The following NTN4 variants were observed in gnomAD, a reference collection of about 807,000 sequenced individuals.
NTN4 encodes netrin-4.
Under a neutral mutation model 73.6 loss-of-function variants are expected in NTN4, and 32 were observed. The ratio of observed to expected loss-of-function variants is 0.44; its 90% confidence interval spans 0.33 to 0.58. NTN4 has a LOEUF of 0.58. Ranked by LOEUF, NTN4 falls within the 20% of genes least tolerant of loss-of-function variation. The probability of loss-of-function intolerance (pLI) is 0.04; values close to 1 mark genes in which losing one functional copy is unlikely to be tolerated. For synonymous variants in NTN4, 258 were observed against 287.5 expected, an observed-to-expected ratio of 0.90 and a Z score of 1.04; for missense variants, 654 against 798.3, an observed-to-expected ratio of 0.82 and a Z score of 2.18.
At chr12:95,680,404 T>C (rs541415651) in intron 7 of NTN4, among the ~76,000 whole-genome samples, 1 of 152,338 alleles carries the variant, frequency 6.6e-6, no homozygotes, top group East Asian at 1.9e-4. Flanking sequence ...CATTTAAAAC[T>C]GTGAAAACCA....
intron 5 of NTN4, among the ~76,000 whole-genome samples, chr12:95,694,982 G>T (rs1340839211): frequency 6.6e-6 from 1 of 152,040 alleles, no homozygotes; most frequent in African/African-American, 2.4e-5. Flanking sequence ...ACAAAAATCA[G>T]CTGGGTGTGG....
intron 8 of NTN4, among the ~76,000 whole-genome samples, chr12:95,667,070 G>A (rs928572054): frequency 2.6e-5 from 4 of 152,096 alleles, no homozygotes; most frequent in African/African-American, 9.7e-5. Flanking sequence ...ATTCTATTAC[G>A]CCCTCCCATT....
chr12:95,771,144 C>T (rs918247872), intron 2 of NTN4, among the ~76,000 whole-genome samples: 9 of 151,966 alleles, frequency 5.9e-5, no homozygotes, highest in African/African-American at 1.2e-4. Context: ...CGCCTGCTAC[C>T]ACGCCCGGCT....
At chr12:95,676,846 G>A (rs1434575957) in intron 7 of NTN4, among the ~76,000 whole-genome samples, 1 of 152,142 alleles carries the variant, frequency 6.6e-6, no homozygotes, top group Non-Finnish European at 1.5e-5. Context: ...GATAAGCTTA[G>A]GGACAAAAAG....
chr12:95,729,377 A>G (rs559004037), intron 3 of NTN4, among the ~76,000 whole-genome samples: 1 of 152,174 alleles, frequency 6.6e-6, no homozygotes, highest in African/African-American at 2.4e-5. Context: ...GCCAAATTAG[A>G]ATCCCATATT....
intron 2 of NTN4, among the ~76,000 whole-genome samples, chr12:95,748,244 A>AAAAAAAAAAAAG (rs1555219977): frequency 2.9e-5 from 4 of 138,478 alleles, no homozygotes; most frequent in Admixed American, 7.5e-5. Context: ...AAAAAAAAAA[A>AAAAAAAAAAAAG]AAAAGAAAAG....
chr12:95,665,327 AAAAC>A (rs2078171040), intron 9 of NTN4, among the ~76,000 whole-genome samples: 1 of 152,232 alleles, frequency 6.6e-6, no homozygotes, highest in African/African-American at 2.4e-5. Context: ...CATTTCATGA[AAAAC>A]AAGATGATGA....
intron 7 of NTN4, among the ~76,000 whole-genome samples, chr12:95,680,605 CAAA>C (rs1325594896): frequency 6.6e-6 from 1 of 152,148 alleles, no homozygotes; most frequent in Non-Finnish European, 1.5e-5. Flanking sequence ...AAATGGCAAA[CAAA>C]CGAGAGAATA....
rs990309280 is a variant in NTN4, at chr12:95,683,810, A to G, written c.1181-99T>C. ...CCCAAGTGGCTTCCCTTCACCACAC[A>G]GCATATTTCTGAGACTCCTTCTTTA... On this transcript the variant is annotated intron_variant, in intron 5 of 9. Coordinates refer to ENST00000343702, the MANE Select transcript of NTN4 (RefSeq NM_021229.4). 9 of 803,612 alleles carry G rather than the reference A, an allele frequency of 1.1e-5. 1 individual carries two copies. In the South Asian group the frequency reaches 1.3e-4, roughly 12 times the overall value. 49.8% of individuals were successfully genotyped at this position (803,612 alleles called of 1,614,324 possible).
chr12:95,746,068 C>T (rs1424621658), intron 2 of NTN4, among the ~76,000 whole-genome samples: 3 of 152,154 alleles, frequency 2.0e-5, no homozygotes, highest in Non-Finnish European at 2.9e-5. Context: ...CTTGTTTCCA[C>T]CTGAATTGAT....
Position 95,787,444 on chromosome 12 carries a change from C to A in NTN4, c.80G>T (p.Ser27Ile). 1 of 1,614,012 alleles carries A rather than the reference C, an allele frequency of 6.2e-7. No individual in the cohort carries two copies. The highest frequency in any genetic ancestry group is 8.5e-7 in the Non-Finnish European group (1 of 1,179,992). The change falls in exon 2 of 10, where the codon AGT becomes ATT. Residue 27 changes from serine to isoleucine, a missense_variant. Ser to Ile is a moderately radical substitution (Grantham distance 142, BLOSUM62 -2). Transcript: ENST00000343702. The part of the protein sequence containing the change: ...AAGLSGVAGV[S>I]SRCEKACNPR... ...GTTGCAGGCTTTTTCACAGCGGGAA[C>A]TCACTCCAGCTACTCCACTCAGTCC...
chr12:95,672,430 C>A lies in NTN4; in HGVS notation c.1511-2284G>T, dbSNP rs556564029. On this transcript the variant is annotated intron_variant, in intron 7 of 9. Coordinates refer to ENST00000343702, the MANE Select transcript of NTN4 (RefSeq NM_021229.4). ...CACCAGGAGGTGAAGCGCAGGCGGG[C>A]AGGCGCTGCTAGATGTTGGCTATGA... The A allele has an allele frequency of 3.9e-5, 50 of 1,287,756 alleles. No individual in the cohort carries two copies. The South Asian group carries it at 5.9e-4, about 15-fold the overall frequency. 79.8% of individuals were successfully genotyped at this position (1,287,756 alleles called of 1,614,324 possible).
At chr12:95,700,791 CTTTCT>C (rs953312174) in intron 5 of NTN4, among the ~76,000 whole-genome samples, 4 of 149,688 alleles carry the variant, frequency 2.7e-5, no homozygotes, top group Admixed American at 6.7e-5. Context: ...CTTTTCTTCC[CTTTCT>C]TTTTTCTTTC....
At chr12:95,779,877 G>T (rs537045128) in intron 2 of NTN4, among the ~76,000 whole-genome samples, 1 of 152,272 alleles carries the variant, frequency 6.6e-6, no homozygotes, top group African/African-American at 2.4e-5. Context: ...GAACAAAGCT[G>T]GAGGCATCAC....
rs547564314 is a variant in NTN4, at chr12:95,676,400, C to T, written c.1511-6254G>A. Among the ~76,000 whole-genome samples, 67 of 151,666 alleles carry T rather than the reference C, an allele frequency of 4.4e-4. 1 individual carries two copies. Among genetic ancestry groups the T allele is most frequent in the Middle Eastern group, 6.8e-3 (2 of 294 alleles). On this transcript the variant is annotated intron_variant, in intron 7 of 9. Transcript: ENST00000343702. ...GGGATTGCAGGTGTGAGCCACTGTGCCCAGCCCCGGGTAAAAAAAAAAAAT... is the reference window on the plus strand; with the variant it reads ...GGGATTGCAGGTGTGAGCCACTGTGTCCAGCCCCGGGTAAAAAAAAAAAAT...
At chr12:95,771,076 G>A (rs929524668) in intron 2 of NTN4, among the ~76,000 whole-genome samples, 4 of 147,458 alleles carry the variant, frequency 2.7e-5, no homozygotes, top group Non-Finnish European at 5.9e-5. Flanking sequence ...TGCAAGCTCC[G>A]CCTCCCGGGT....
At chr12:95,788,991 T>G (rs2079188567) in intron 1 of NTN4, among the ~76,000 whole-genome samples, 1 of 152,218 alleles carries the variant, frequency 6.6e-6, no homozygotes, top group South Asian at 2.1e-4. Flanking sequence ...AAAAGGTTTT[T>G]TTTAAAGCTC....
chr12:95,683,555 C>A lies in NTN4; in HGVS notation c.1337G>T (p.Cys446Phe). Residue 446 changes from cysteine (C) to phenylalanine (F), a missense_variant, in exon 6 of 10, where the codon TGT becomes TTT. Coordinates refer to ENST00000343702, the MANE Select transcript of NTN4 (RefSeq NM_021229.4). ...GCTCCCCGCACAGTCACATGGTCGACAGCCATAGTCTCCGAAGCCCCAGTA... is the reference window on the plus strand; with the variant it reads ...GCTCCCCGCACAGTCACATGGTCGAAAGCCATAGTCTCCGAAGCCCCAGTA... Reference protein sequence around the residue: ...VGYWGFGDYGCRPCDCAGSCD... With the variant: ...VGYWGFGDYGFRPCDCAGSCD... 2 of 1,614,216 alleles carry A rather than the reference C, an allele frequency of 1.2e-6. No homozygotes were observed. Among genetic ancestry groups the A allele is most frequent in the Non-Finnish European group, 1.7e-6 (2 of 1,180,040 alleles).
At chr12:95,753,552 T>C (rs1364003796) in intron 2 of NTN4, among the ~76,000 whole-genome samples, 1 of 148,064 alleles carries the variant, frequency 6.8e-6, no homozygotes, top group Non-Finnish European at 1.5e-5. Context: ...CCCACCTCTA[T>C]ACAGTCTGAT....
Sources: allele counts gnomAD v4.1 joint callset (sites outside exome capture counted in the v4.1 genomes callset), GRCh38; gene constraint gnomAD v4.1.1; transcripts MANE v1.5; gene names NCBI Gene and HGNC (gene_info 2026-07-23, HGNC 2026-07-21).